Variants in VWDE observed in about 807,000 individuals in gnomAD.
VWDE encodes von Willebrand factor D and EGF domains.
Under a neutral mutation model 178.4 loss-of-function variants are expected in VWDE, and 207 were observed. The observed-to-expected ratio is 1.16, with a 90% CI of 1.04 to 1.30. The LOEUF is 1.30. Ranked by LOEUF, VWDE falls within the 50% of genes most tolerant of loss-of-function variation. The pLI, the probability that VWDE is intolerant of heterozygous loss-of-function variation, is 0.00. For missense variants in VWDE, 2,287 were observed against 1,901.3 expected, an observed-to-expected ratio of 1.20 and a Z score of -3.77; for synonymous variants, 738 against 651.4, an observed-to-expected ratio of 1.13 and a Z score of -2.02.
At chr7:12,359,818 TC>T in intron 15 of VWDE, 126 bp from the exon 16 acceptor site, 1 of 567,098 alleles carries the variant, frequency 1.8e-6, no homozygotes, top group Non-Finnish European at 3.1e-6. Context: ...TTTTGATACT[TC>T]ATAATCGTAA....
intron 1 of VWDE, among the ~76,000 whole-genome samples, chr7:12,398,586 G>A (rs1337399719): frequency 6.6e-6 from 1 of 152,070 alleles, no homozygotes; most frequent in Non-Finnish European, 1.5e-5. Flanking sequence ...CTCCTCAGCT[G>A]GAGCACCCTA....
rs144172047 is a variant in VWDE, at chr7:12,381,616, A to G, written c.542-883T>C. ...ACAGTGTTATTTTGTTATAGTCCCAATGACAAATGAATTATTTTCAAATTT... is the reference window on the plus strand; with the variant it reads ...ACAGTGTTATTTTGTTATAGTCCCAGTGACAAATGAATTATTTTCAAATTT... On this transcript the variant is annotated intron_variant, in intron 4 of 28. Coordinates refer to ENST00000275358, the MANE Select transcript of VWDE (RefSeq NM_001135924.3). 7.2e-3 allele frequency among the ~76,000 whole-genome samples: 1,089 copies of G among 152,180 alleles called. 13 individuals are homozygous for G. Among genetic ancestry groups the G allele is most frequent in the African/African-American group, 0.024 (1,003 of 41,566 alleles).
rs75485166 is a variant in VWDE at position 12,377,665 on chromosome 7, A to G, written c.1024+111T>C. 2.6e-3 allele frequency: 1,615 copies of G among 614,092 alleles called. 5 individuals are homozygous for G. Among genetic ancestry groups the G allele is most frequent in the Non-Finnish European group, 3.3e-3 (1,398 of 418,246 alleles). 38.0% of individuals were successfully genotyped at this position (614,092 alleles called of 1,614,324 possible). A position where few individuals can be genotyped will look rare whatever the true frequency, so the allele number is the denominator to read the frequency against. On this transcript the variant is annotated intron_variant, in intron 7 of 28. Transcript: ENST00000275358. ...ATGATTGGGCTAAAATTTGATGTCAACATGCAACATGATTTATTATATGAG... is the reference window on the plus strand; with the variant it reads ...ATGATTGGGCTAAAATTTGATGTCAGCATGCAACATGATTTATTATATGAG...
Position 12,349,497 on chromosome 7 carries a change from T to C in VWDE, c.3886+2076A>G, listed in dbSNP as rs527792899. Among the ~76,000 whole-genome samples the C allele has an allele frequency of 9.4e-4, 142 of 151,244 alleles. 1 individual carries two copies. Among genetic ancestry groups the C allele is most frequent in the Non-Finnish European group, 1.3e-3 (87 of 67,718 alleles). On this transcript the variant is annotated intron_variant, in intron 19 of 28. Transcript: ENST00000275358. ...TTAAAGAGAAGCTATAAATAAAAGA[T>C]TTAAAAATATATTTATTTGATTACA...
At chr7:12,385,515 G>C (rs749783157) in intron 3 of VWDE, among the ~76,000 whole-genome samples, 6 of 152,142 alleles carry the variant, frequency 3.9e-5, no homozygotes, top group Non-Finnish European at 7.3e-5. Flanking sequence ...TGCAGATAAA[G>C]AGGCTAAAAC....
intron 19 of VWDE, among the ~76,000 whole-genome samples, chr7:12,346,140 A>T (rs931660775): frequency 5.3e-5 from 8 of 152,158 alleles, no homozygotes; most frequent in Non-Finnish European, 1.2e-4. Flanking sequence ...CAAGGAGCTT[A>T]TAATCTTTTG....
intron 3 of VWDE, among the ~76,000 whole-genome samples, chr7:12,387,470 TG>T: frequency 6.6e-6 from 1 of 152,186 alleles, no homozygotes; most frequent in East Asian, 1.9e-4. Flanking sequence ...CTAATAATAC[TG>T]GTTTAAATTC....
intron 12 of VWDE, among the ~76,000 whole-genome samples, 166 bp downstream of exon 12, chr7:12,369,374 AAGATG>A (rs1196506822): frequency 1.3e-5 from 2 of 152,304 alleles, no homozygotes; most frequent in South Asian, 4.1e-4. Flanking sequence ...TACTCCAAAT[AAGATG>A]AGATGCTGTT....
rs1443681516 is a variant in VWDE at position 12,356,103 on chromosome 7, A to G, written c.3745+8T>C. On this transcript the variant is annotated splice_region_variant and intron_variant, in intron 18 of 28. Transcript: ENST00000275358. ...CTTTCTAATTTGTTATGAGGAGCAA[A>G]ATCTTACCTTTGAGCTCAGGTGGAC... The G allele has an allele frequency of 6.5e-7, 1 of 1,550,156 alleles. No homozygotes were observed. The highest frequency in any genetic ancestry group is 2.4e-5 in the East Asian group (1 of 40,904).
intron 7 of VWDE, 86 bp downstream of exon 7, chr7:12,377,690 G>C (rs1783611257): frequency 1.2e-6 from 1 of 833,426 alleles, no homozygotes; most frequent in Non-Finnish European, 1.7e-6. Flanking sequence ...TATTATATGA[G>C]TACACTCCAG....
At chr7:12,342,637 TTTTA>T (rs200288136) in intron 22 of VWDE, among the ~76,000 whole-genome samples, 2,494 of 151,512 alleles carry the variant, frequency 0.016, 67 homozygotes, top group African/African-American at 0.058. Context: ...GATAAATCTA[TTTTA>T]TTTATTTATT....
intron 12 of VWDE, among the ~76,000 whole-genome samples, chr7:12,367,740 A>G (rs924583338): frequency 6.6e-6 from 1 of 151,984 alleles, no homozygotes; most frequent in Non-Finnish European, 1.5e-5. Flanking sequence ...GGTTTCACTA[A>G]TGTTTAATAA....
intron 26 of VWDE, 104 bp downstream of exon 26, chr7:12,336,884 A>C: frequency 8.7e-7 from 1 of 1,154,946 alleles, no homozygotes; most frequent in African/African-American, 1.6e-5. Context: ...AAAAATTTTA[A>C]AAAGACCAAG....
intron 2 of VWDE, among the ~76,000 whole-genome samples, chr7:12,392,200 T>C (rs776030329): frequency 6.6e-6 from 1 of 152,208 alleles, no homozygotes; most frequent in Non-Finnish European, 1.5e-5. Flanking sequence ...GAAGTAACAC[T>C]AGCTACCTAA....
intron 18 of VWDE, among the ~76,000 whole-genome samples, chr7:12,353,230 C>T (rs1007873328): frequency 6.6e-5 from 10 of 152,138 alleles, no homozygotes; most frequent in African/African-American, 2.4e-4. Context: ...TTGGTGAGGG[C>T]TCTCTTCCTG....
intron 13 of VWDE, 127 bp downstream of exon 13, chr7:12,367,230 G>A (rs1371895348): frequency 1.5e-6 from 1 of 651,334 alleles, no homozygotes; most frequent in African/African-American, 1.9e-5. Context: ...TCATTTTCCT[G>A]TTCAGCTCTC....
intron 19 of VWDE, among the ~76,000 whole-genome samples, chr7:12,344,969 C>T (rs1781524105): frequency 6.6e-6 from 1 of 151,798 alleles, no homozygotes; most frequent in Non-Finnish European, 1.5e-5. Context: ...CATCTTTTAT[C>T]TGTTTAGCTG....
rs184324001 is a variant in VWDE, at chr7:12,402,257, T to C, written c.58+1402A>G. ...TCATCGCTGCATATACCTGTAAATATACTCTGAATATACACATATCTGTGA... is the reference window on the plus strand; with the variant it reads ...TCATCGCTGCATATACCTGTAAATACACTCTGAATATACACATATCTGTGA... On this transcript the variant is annotated intron_variant, in intron 1 of 28. Coordinates refer to ENST00000275358, the MANE Select transcript of VWDE (RefSeq NM_001135924.3). Among the ~76,000 whole-genome samples, 56 of 152,350 alleles carry C rather than the reference T, an allele frequency of 3.7e-4. No individual in the cohort carries two copies. In the East Asian group the frequency reaches 8.7e-3, roughly 24 times the overall value.
chr7:12,369,754 G>C lies in VWDE; in HGVS notation c.2552C>G (p.Ala851Gly), dbSNP rs1783063628. The C allele has an allele frequency of 6.4e-7, 1 of 1,551,304 alleles. No homozygotes were observed. Among genetic ancestry groups the C allele is most frequent in the Non-Finnish European group, 8.7e-7 (1 of 1,146,896 alleles). Residue 851 changes from alanine to glycine, a missense_variant, in exon 12 of 29, where the codon GCA becomes GGA. Ala to Gly is a moderately conservative substitution (Grantham distance 60). Transcript: ENST00000275358. ...DVLLKDDLSWAEAGVALLENE... is the reference protein window; with the variant it reads ...DVLLKDDLSWGEAGVALLENE... ...TTCTAAAAGGGCCACACCTGCTTCT[G>C]CCCAACTAAGATCATCTTTTAACAG... is the stretch of plus-strand genomic sequence containing the variant.
Sources: allele counts gnomAD v4.1 joint callset (sites outside exome capture counted in the v4.1 genomes callset), GRCh38; gene constraint gnomAD v4.1.1; transcripts MANE v1.5; gene names NCBI Gene and HGNC (gene_info 2026-07-23, HGNC 2026-07-21).